Variants in CHST3 observed in about 807,000 individuals in gnomAD.
CHST3 encodes C6ST-1.
A neutral mutation model predicts 35.4 loss-of-function variants in CHST3; 20 were observed. The observed-to-expected ratio is 0.57, with a 90% CI of 0.40 to 0.82. CHST3 has a LOEUF of 0.82. Ranked by LOEUF, CHST3 falls within the 40% of genes least tolerant of loss-of-function variation. The pLI is 0.00. For synonymous variants in CHST3, 334 were observed against 295.9 expected, an observed-to-expected ratio of 1.13 and a Z score of -1.32; for missense variants, 693 against 670.1, an observed-to-expected ratio of 1.03 and a Z score of -0.38.
intron 1 of CHST3, among the ~76,000 whole-genome samples, chr10:72,002,765 C>T (rs1840005399): frequency 6.6e-6 from 1 of 152,238 alleles, no homozygotes; most frequent in Admixed American, 6.5e-5. Context: ...CACACCCCAC[C>T]ACAGGCTAAA....
At position 71,970,046 on chromosome 10, in the gene CHST3, C is replaced by T. The variant is rs192859853; in HGVS notation, c.-108+5352C>T. On this transcript the variant is annotated intron_variant, in intron 1 of 2. Transcript: ENST00000373115. ...TACCCTGAGCGCGTGGACTCCACAG[C>T]GGGGTGTGGGGTGGCCCCTGGCAGG... Among the ~76,000 whole-genome samples, 396 of 152,372 alleles carry T rather than the reference C, an allele frequency of 2.6e-3. 3 individuals carry two copies. The highest frequency in any genetic ancestry group is 3.4e-3 in the Non-Finnish European group (228 of 68,038).
At chr10:71,989,644 CTT>C (rs1839879567) in intron 1 of CHST3, among the ~76,000 whole-genome samples, 1 of 151,800 alleles carries the variant, frequency 6.6e-6, no homozygotes, top group Non-Finnish European at 1.5e-5. Flanking sequence ...ATTTTTATAA[CTT>C]TCTCTTATAT....
chr10:71,966,904 G>A (rs1839636947), intron 1 of CHST3, among the ~76,000 whole-genome samples: 1 of 152,164 alleles, frequency 6.6e-6, no homozygotes, highest in Admixed American at 6.5e-5. Flanking sequence ...TAGGTTCAGA[G>A]GTACGTATAC....
At chr10:71,981,084 C>G (rs556278669) in intron 1 of CHST3, among the ~76,000 whole-genome samples, 1 of 152,224 alleles carries the variant, frequency 6.6e-6, no homozygotes, top group Non-Finnish European at 1.5e-5. Flanking sequence ...TTTCAACTTT[C>G]TGTTTTTTCA....
chr10:71,996,391 C>CTCTCTTTCTCTT (rs10653065), intron 1 of CHST3, among the ~76,000 whole-genome samples: 1 of 150,340 alleles, frequency 6.7e-6, no homozygotes, highest in Non-Finnish European at 1.5e-5. Flanking sequence ...CCAAGACTCT[C>CTCTCTTTCTCTT]TCTCTTTCTC....
rs75061649 is a variant in CHST3, at chr10:71,965,852, G to A, written c.-108+1158G>A. On this transcript the variant is annotated intron_variant, in intron 1 of 2. Coordinates refer to ENST00000373115, the MANE Select transcript of CHST3 (RefSeq NM_004273.5). ...AGCCCTGCCTGATCTGCTTGGGCCAGTGGCCCAGGCACTGTGTGTTCCACT... is the reference window on the plus strand; with the variant it reads ...AGCCCTGCCTGATCTGCTTGGGCCAATGGCCCAGGCACTGTGTGTTCCACT... Among the ~76,000 whole-genome samples the A allele has an allele frequency of 3.3e-4, 50 of 152,278 alleles. 2 individuals are homozygous for A. In the East Asian group the frequency reaches 9.7e-3, roughly 29 times the overall value.
intron 2 of CHST3, among the ~76,000 whole-genome samples, chr10:72,006,631 G>A (rs1840041079): frequency 6.6e-6 from 1 of 152,194 alleles, no homozygotes; most frequent in African/African-American, 2.4e-5. Context: ...ATGTGCAGTG[G>A]GCCTGTTAGA....
chr10:72,001,360 C>T (rs1729508760), intron 1 of CHST3, among the ~76,000 whole-genome samples: 1 of 152,230 alleles, frequency 6.6e-6, no homozygotes, highest in African/African-American at 2.4e-5. Context: ...TCCTGTTGGC[C>T]CTGGCACCCT....
intron 1 of CHST3, among the ~76,000 whole-genome samples, chr10:71,995,291 G>A (rs1839929030): frequency 6.6e-6 from 1 of 151,982 alleles, no homozygotes; most frequent in African/African-American, 2.4e-5. Flanking sequence ...CTGGTGTGGT[G>A]GCAGGCACCC....
At chr10:71,972,021 G>C (rs534456741) in intron 1 of CHST3, among the ~76,000 whole-genome samples, 13 of 152,120 alleles carry the variant, frequency 8.5e-5, no homozygotes, top group African/African-American at 3.1e-4. Context: ...TGGGGGTAGC[G>C]TGCCCAGGAA....
chr10:71,985,955 C>T (rs1294302505), intron 1 of CHST3, among the ~76,000 whole-genome samples: 2 of 152,186 alleles, frequency 1.3e-5, no homozygotes, highest in Non-Finnish European at 2.9e-5. Context: ...CAGGAATGTT[C>T]TATAAATGGA....
At chr10:71,971,737 A>C (rs1839696796) in intron 1 of CHST3, among the ~76,000 whole-genome samples, 1 of 152,242 alleles carries the variant, frequency 6.6e-6, no homozygotes, top group South Asian at 2.1e-4. Flanking sequence ...CTCCAGCCAC[A>C]GGGCAGGGCC....
chr10:71,989,324 G>A (rs1839876771), intron 1 of CHST3, among the ~76,000 whole-genome samples: 1 of 152,194 alleles, frequency 6.6e-6, no homozygotes, highest in Non-Finnish European at 1.5e-5. Flanking sequence ...GCACATGCCT[G>A]TGATCCCAGC....
Position 72,007,217 on chromosome 10 carries a change from C to CA in CHST3, c.188dup (p.Asn63LysfsTer11). ...AGATTCCCCAAGCTCTAGCAGATGC[C>CA]AACAGCACCGACCCAGCCCTGATCT... On this transcript the variant is annotated frameshift_variant, in exon 3 of 3. Coordinates refer to ENST00000373115, the MANE Select transcript of CHST3 (RefSeq NM_004273.5). LOFTEE classifies it high-confidence loss of function. The CA allele has an allele frequency of 6.2e-7, 1 of 1,614,192 alleles. No homozygotes were observed. The highest frequency in any genetic ancestry group is 8.5e-7 in the Non-Finnish European group (1 of 1,180,048).
At chr10:71,981,928 G>A (rs1275335499) in intron 1 of CHST3, among the ~76,000 whole-genome samples, 2 of 152,202 alleles carry the variant, frequency 1.3e-5, no homozygotes, top group East Asian at 1.9e-4. Flanking sequence ...AAAGCTCTCA[G>A]AGTGATTCTC....
At chr10:71,966,287 G>C (rs1011952035) in intron 1 of CHST3, among the ~76,000 whole-genome samples, 3 of 152,156 alleles carry the variant, frequency 2.0e-5, no homozygotes. Flanking sequence ...TGCAGCAGTG[G>C]CTTGGCTCTG....
chr10:71,965,198 C>T (rs1221099870), intron 1 of CHST3, among the ~76,000 whole-genome samples: 1 of 152,162 alleles, frequency 6.6e-6, no homozygotes, highest in Non-Finnish European at 1.5e-5. Flanking sequence ...ATGTTGCAGT[C>T]GGTTCTCGGA....
chr10:72,009,281 G>A lies in CHST3; in HGVS notation c.*810G>A, dbSNP rs376451731. The A allele has an allele frequency of 1.3e-5, 2 of 152,244 alleles. No individual in the cohort carries two copies. Among genetic ancestry groups the A allele is most frequent in the African/African-American group, 4.8e-5 (2 of 41,460 alleles). 9.4% of individuals were successfully genotyped at this position (152,244 alleles called of 1,614,324 possible). ...CGAGGGCAGGGCAGGGGAAAGAAAC[G>A]CGTTAAAGGGCCATGACATGACACA... On this transcript the variant is annotated 3_prime_UTR_variant, in exon 3 of 3. Coordinates refer to ENST00000373115, the MANE Select transcript of CHST3 (RefSeq NM_004273.5).
In CHST3 at chr10:71,999,800, G is replaced by A. The variant is rs74452680; in HGVS notation, c.-107-5936G>A. ...GTCACGAGGGAGGCCTGAGCAGAAA[G>A]ACCCCTGGGGGAGAGAAGGGAGGGA... On this transcript the variant is annotated intron_variant, in intron 1 of 2. Coordinates refer to ENST00000373115, the MANE Select transcript of CHST3 (RefSeq NM_004273.5). Among the ~76,000 whole-genome samples, 9 of 152,346 alleles carry A rather than the reference G, an allele frequency of 5.9e-5. No homozygotes were observed. The East Asian group carries it at 1.4e-3, about 23-fold the overall frequency.
Sources: allele counts gnomAD v4.1 joint callset (sites outside exome capture counted in the v4.1 genomes callset), GRCh38; gene constraint gnomAD v4.1.1; transcripts MANE v1.5; gene names NCBI Gene and HGNC (gene_info 2026-07-23, HGNC 2026-07-21).